Variants in ANKRD30BL observed in about 807,000 individuals in gnomAD.
ANKRD30BL encodes ankyrin repeat domain 30B like, also known as putative ankyrin repeat domain-containing protein 30B-like.
ANKRD30BL carries 20 observed loss-of-function variants against 18.4 expected under a neutral mutation model. The ratio of observed to expected loss-of-function variants is 1.09; its 90% CI spans 0.77 to 1.58. The LOEUF (loss-of-function observed/expected upper bound fraction) is 1.58, where lower values mean the gene tolerates loss of function less well. ANKRD30BL is among the 40% of genes most tolerant of loss of function. The pLI is 0.00. For synonymous variants in ANKRD30BL, 72 were observed against 100.9 expected (o/e 0.71, Z 1.72); for missense variants, 224 against 268.6 (o/e 0.83, Z 1.16).
At chr2:132,199,051 A>G (rs1166069017) in intron 1 of ANKRD30BL, among the ~76,000 whole-genome samples, 4 of 152,192 alleles carry the variant, frequency 2.6e-5, no homozygotes, top group Non-Finnish European at 5.9e-5. Context: ...ATGGCAAAGG[A>G]TTAGAAATAA....
At chr2:132,227,389 C>T (rs1679875737) in intron 1 of ANKRD30BL, among the ~76,000 whole-genome samples, 1 of 152,030 alleles carries the variant, frequency 6.6e-6, no homozygotes, top group African/African-American at 2.4e-5. Flanking sequence ...CCCATCTAAA[C>T]TAGAGAGAAG....
chr2:132,155,111 A>C (rs1687866933), intron 3 of ANKRD30BL: 1 of 164,656 alleles, frequency 6.1e-6, no homozygotes, highest in African/African-American at 2.4e-5. Context: ...TTTTTTACTA[A>C]ATTAGTAATC....
chr2:132,246,352 C>T (rs796991050), intron 1 of ANKRD30BL, among the ~76,000 whole-genome samples: 3 of 151,560 alleles, frequency 2.0e-5, no homozygotes, highest in Non-Finnish European at 4.4e-5. Context: ...GATTTGTGTA[C>T]TCAACTCACA....
chr2:132,164,805 C>T (rs1166690911), upstream of ANKRD30BL, among the ~76,000 whole-genome samples: 2 of 152,170 alleles, frequency 1.3e-5, no homozygotes, highest in African/African-American at 4.8e-5. Flanking sequence ...GGTGCAGTGG[C>T]TCACGCCTGT....
At chr2:132,238,097 G>A (rs1229361727) in intron 1 of ANKRD30BL, among the ~76,000 whole-genome samples, 2 of 151,742 alleles carry the variant, frequency 1.3e-5, no homozygotes, top group South Asian at 2.1e-4. Context: ...GACATTTAGT[G>A]CGATTTGAGA....
chr2:132,211,906 T>C (rs1215294384), intron 1 of ANKRD30BL, among the ~76,000 whole-genome samples: 1 of 151,264 alleles, frequency 6.6e-6, no homozygotes, highest in Non-Finnish European at 1.5e-5. Flanking sequence ...AAAGGAAATA[T>C]CTTCACATAA....
chr2:132,235,216 C>G (rs1295655456), intron 1 of ANKRD30BL, among the ~76,000 whole-genome samples: 1 of 152,096 alleles, frequency 6.6e-6, no homozygotes, highest in African/African-American at 2.4e-5. Context: ...CTATGACAAA[C>G]CCACAGCCAA....
chr2:132,178,853 G>A (rs1262075306), intron 1 of ANKRD30BL, among the ~76,000 whole-genome samples: 1 of 151,866 alleles, frequency 6.6e-6, no homozygotes, highest in Non-Finnish European at 1.5e-5. Flanking sequence ...AAATTGATGG[G>A]AATCAGTGAC....
At chr2:132,160,490 G>A (rs952800519) in intron 1 of ANKRD30BL, among the ~76,000 whole-genome samples, 3 of 149,116 alleles carry the variant, frequency 2.0e-5, no homozygotes, top group African/African-American at 7.5e-5. Context: ...CCAGGCTGGA[G>A]TGCAGTGGTG....
intron 1 of ANKRD30BL, among the ~76,000 whole-genome samples, chr2:132,227,087 G>A (rs1350775488): frequency 6.6e-6 from 1 of 152,196 alleles, no homozygotes; most frequent in South Asian, 2.1e-4. Context: ...TGTGATGTTT[G>A]CATTCTACTC....
intron 1 of ANKRD30BL, among the ~76,000 whole-genome samples, chr2:132,210,031 AT>A (rs775181386): frequency 9.2e-5 from 14 of 151,414 alleles, no homozygotes; most frequent in Non-Finnish European, 1.6e-4. Flanking sequence ...AGTATCTTCA[AT>A]TAAAAACTAG....
chr2:132,181,937 C>T (rs921819775), intron 1 of ANKRD30BL, among the ~76,000 whole-genome samples: 3 of 151,918 alleles, frequency 2.0e-5, no homozygotes, highest in Non-Finnish European at 4.4e-5. Flanking sequence ...CATGGAGAAA[C>T]CCCATCTCTA....
chr2:132,217,182 C>G (rs1168882237), intron 1 of ANKRD30BL, among the ~76,000 whole-genome samples: 1 of 152,090 alleles, frequency 6.6e-6, no homozygotes, highest in Non-Finnish European at 1.5e-5. Context: ...TATCATAGAG[C>G]AGTTTTGAAA....
intron 5 of ANKRD30BL, 104 bp from the exon 6 acceptor site, chr2:132,148,332 T>C (rs1438264917): frequency 1.6e-4 from 59 of 366,942 alleles, no homozygotes; most frequent in Non-Finnish European, 2.7e-4. Context: ...CCTTAAATAC[T>C]ACCAAACTTT....
At chr2:132,186,752 G>A (rs1284764497) in intron 1 of ANKRD30BL, among the ~76,000 whole-genome samples, 1 of 152,038 alleles carries the variant, frequency 6.6e-6, no homozygotes, top group Non-Finnish European at 1.5e-5. Context: ...CTTTATCAGA[G>A]GTAGATGAAA....
In ANKRD30BL at chr2:132,194,719, G is replaced by A. The variant is rs373706442; in HGVS notation, n.442-37573C>T. The stretch of plus-strand genomic sequence containing the variant: ...CTCTTGCAAATTTAATTCCATGGTG[G>A]TGTTTGCCTTTAGCAGATCTAAACA... On this transcript the variant is annotated intron_variant and non_coding_transcript_variant, in intron 1 of 4. Coordinates refer to the ANKRD30BL transcript ENST00000470729. 4.6e-5 allele frequency among the ~76,000 whole-genome samples: 7 copies of A among 152,200 alleles called. No individual in the cohort carries two copies. The South Asian group carries it at 6.2e-4, about 14-fold the overall frequency.
rs538947102 is a variant in ANKRD30BL, at chr2:132,239,699, TCA to T, written n.441+17828_441+17829del. ...CATCTTTGTGATGTTTGCATTCTTC[TCA>T]CAGAGTTGAACATTCCCTTTCAGTG... On this transcript the variant is annotated intron_variant and non_coding_transcript_variant, in intron 1 of 4. Transcript: ENST00000470729. 9.9e-5 allele frequency among the ~76,000 whole-genome samples: 15 copies of T among 152,140 alleles called. No homozygotes were observed. In the South Asian group the frequency reaches 3.1e-3, roughly 32 times the overall value.
At chr2:132,237,755 C>T (rs796512321) in intron 1 of ANKRD30BL, among the ~76,000 whole-genome samples, 14 of 151,590 alleles carry the variant, frequency 9.2e-5, no homozygotes, top group Non-Finnish European at 1.5e-4. Context: ...AAACTTGGAG[C>T]GCTTTGAAAG....
At position 132,231,611 on chromosome 2, in the gene ANKRD30BL, G is replaced by A. The variant is rs1025139065; in HGVS notation, n.441+25918C>T. Among the ~76,000 whole-genome samples the A allele has an allele frequency of 6.2e-4, 94 of 152,286 alleles. 1 individual carries two copies. The highest frequency in any genetic ancestry group is 3.4e-3 in the Middle Eastern group (1 of 294). Reference sequence around the variant, plus strand: ...CTGGAAAATCGGGTCACTCCCACCCGAATATAGCGCTTTTCGGACCGGCTT... The same window carrying A: ...CTGGAAAATCGGGTCACTCCCACCCAAATATAGCGCTTTTCGGACCGGCTT... On this transcript the variant is annotated intron_variant and non_coding_transcript_variant, in intron 1 of 4. Transcript: ENST00000470729.
Sources: allele counts gnomAD v4.1 joint callset (sites outside exome capture counted in the v4.1 genomes callset), GRCh38; gene constraint gnomAD v4.1.1; transcripts MANE v1.5; gene names NCBI Gene and HGNC (gene_info 2026-07-23, HGNC 2026-07-21).